The following CSMD1 variants were observed in gnomAD, a reference collection of about 807,000 sequenced individuals.
CSMD1 encodes the protein CUB and sushi domain-containing protein 1.
Under a neutral mutation model 417.5 loss-of-function variants are expected in CSMD1, and 213 were observed. That is an observed-to-expected ratio of 0.51 (90% CI 0.46 to 0.57). The LOEUF is 0.57. CSMD1 is among the 20% of genes least tolerant of loss of function. The pLI is 0.00. For missense variants in CSMD1, 6,923 were observed against 4,529.7 expected (o/e 1.53, Z -15.17); for synonymous variants, 2,862 against 1,736.8 (o/e 1.65, Z -16.11).
In CSMD1 at chr8:3,959,755, G is replaced by C. The variant is rs528902058; in HGVS notation, c.818+38148C>G. 1.6e-4 allele frequency among the ~76,000 whole-genome samples: 25 copies of C among 152,260 alleles called. 1 individual carries two copies. The highest frequency in any genetic ancestry group is 6.2e-4 in the South Asian group (3 of 4,828). The stretch of plus-strand genomic sequence containing the variant: ...TGCAGCGGGAACACACTCAAACTTA[G>C]GTATGTCTTCAGTTTTGTGATTGGA... On this transcript the variant is annotated intron_variant, in intron 5 of 69. Coordinates refer to ENST00000635120, the MANE Select transcript of CSMD1 (RefSeq NM_033225.6).
intron 3 of CSMD1, among the ~76,000 whole-genome samples, chr8:4,156,747 C>A (rs533745403): frequency 6.6e-6 from 1 of 152,264 alleles, no homozygotes; most frequent in South Asian, 2.1e-4. Context: ...CAGCTTCAAC[C>A]TTTGAACAGG....
intron 3 of CSMD1, among the ~76,000 whole-genome samples, chr8:4,187,670 C>A (rs1447712139): frequency 2.0e-5 from 1 of 49,898 alleles, no homozygotes. Flanking sequence ...GAGTGAAACT[C>A]CGTCTCAAAA....
chr8:4,373,504 C>CA (rs1193025572), intron 3 of CSMD1, among the ~76,000 whole-genome samples: 2 of 152,108 alleles, frequency 1.3e-5, no homozygotes, highest in Non-Finnish European at 2.9e-5. Flanking sequence ...GTTTATTTAG[C>CA]AAAAAACTTT....
At chr8:4,195,568 T>A (rs986417072) in intron 3 of CSMD1, among the ~76,000 whole-genome samples, 3 of 152,110 alleles carry the variant, frequency 2.0e-5, no homozygotes, top group African/African-American at 7.2e-5. Context: ...CAATAGTATA[T>A]GGTAGAGGTG....
chr8:4,617,698 GTTC>G (rs1314359590), intron 2 of CSMD1, among the ~76,000 whole-genome samples: 1 of 152,156 alleles, frequency 6.6e-6, no homozygotes, highest in Non-Finnish European at 1.5e-5. Flanking sequence ...CAGTGAATCT[GTTC>G]TTCATCACTC....
chr8:3,488,755 A>T (rs1818201321), intron 11 of CSMD1, among the ~76,000 whole-genome samples: 1 of 152,186 alleles, frequency 6.6e-6, no homozygotes, highest in Non-Finnish European at 1.5e-5. Flanking sequence ...TCAAGTCAAG[A>T]ACAGGGTTCA....
At chr8:4,439,358 G>C (rs1207908254) in intron 2 of CSMD1, among the ~76,000 whole-genome samples, 1 of 152,104 alleles carries the variant, frequency 6.6e-6, no homozygotes, top group Non-Finnish European at 1.5e-5. Flanking sequence ...GAAATTGTGA[G>C]ATATTACTAT....
intron 5 of CSMD1, among the ~76,000 whole-genome samples, chr8:3,961,867 C>G (rs541723994): frequency 2.0e-5 from 3 of 152,224 alleles, no homozygotes; most frequent in South Asian, 4.1e-4. Flanking sequence ...CCCTTTAGTC[C>G]TAAAACAGCG....
chr8:4,925,307 C>T (rs1459365636), intron 1 of CSMD1, among the ~76,000 whole-genome samples: 1 of 130,968 alleles, frequency 7.6e-6, no homozygotes, highest in African/African-American at 2.9e-5. Flanking sequence ...AATTTCCAGA[C>T]ACAAGTAGGT....
At chr8:3,931,269 G>T (rs143703373) in intron 5 of CSMD1, among the ~76,000 whole-genome samples, 1 of 150,436 alleles carries the variant, frequency 6.6e-6, no homozygotes, top group African/African-American at 2.5e-5. Flanking sequence ...TCTGCATTTT[G>T]AATTGTTAAT....
chr8:4,313,304 A>G (rs1040687192), intron 3 of CSMD1, among the ~76,000 whole-genome samples: 1 of 152,080 alleles, frequency 6.6e-6, no homozygotes, highest in Admixed American at 6.6e-5. Flanking sequence ...TCTGGTTAAT[A>G]GCTAGCTGAG....
intron 4 of CSMD1, among the ~76,000 whole-genome samples, chr8:4,005,121 C>A (rs1816004447): frequency 6.6e-6 from 1 of 152,006 alleles, no homozygotes; most frequent in Non-Finnish European, 1.5e-5. Flanking sequence ...ATATAATGGA[C>A]TTTGGAGATT....
intron 4 of CSMD1, among the ~76,000 whole-genome samples, chr8:4,030,033 G>A (rs62502685): frequency 0.01 from 1,592 of 152,300 alleles, 15 homozygotes; most frequent in Middle Eastern, 0.024. Flanking sequence ...AGCTCCAACA[G>A]TCTTGGGCAG....
intron 49 of CSMD1, among the ~76,000 whole-genome samples, chr8:3,086,342 A>G (rs1236821073): frequency 6.6e-6 from 1 of 152,190 alleles, no homozygotes; most frequent in African/African-American, 2.4e-5. Flanking sequence ...CTGTCTGATC[A>G]ACTTCTTACA....
At chr8:4,746,744 G>A (rs1810980965) in intron 1 of CSMD1, among the ~76,000 whole-genome samples, 1 of 152,010 alleles carries the variant, frequency 6.6e-6, no homozygotes, top group South Asian at 2.1e-4. Flanking sequence ...GGAGTCACCG[G>A]TAGAACCTTC....
intron 1 of CSMD1, among the ~76,000 whole-genome samples, chr8:4,791,038 A>C (rs1489479642): frequency 6.6e-6 from 1 of 152,186 alleles, no homozygotes; most frequent in East Asian, 1.9e-4. Flanking sequence ...AGGAGAGTAA[A>C]TGGGAAACAC....
intron 3 of CSMD1, among the ~76,000 whole-genome samples, chr8:4,322,587 A>G (rs1799332308): frequency 6.6e-6 from 1 of 152,236 alleles, no homozygotes; most frequent in Admixed American, 6.5e-5. Flanking sequence ...GAAAATTTCA[A>G]CATAAAAGAC....
intron 3 of CSMD1, among the ~76,000 whole-genome samples, chr8:4,090,789 T>G (rs1800676563): frequency 6.6e-6 from 1 of 152,206 alleles, no homozygotes; most frequent in South Asian, 2.1e-4. Context: ...AATTCACTGG[T>G]GCGTGGTTAA....
intron 1 of CSMD1, among the ~76,000 whole-genome samples, chr8:4,818,751 G>A (rs1002037186): frequency 2.0e-5 from 3 of 152,144 alleles, no homozygotes; most frequent in Non-Finnish European, 4.4e-5. Flanking sequence ...CTCATAGTCT[G>A]ATTATAATAG....
Sources: allele counts gnomAD v4.1 joint callset (sites outside exome capture counted in the v4.1 genomes callset), GRCh38; gene constraint gnomAD v4.1.1; transcripts MANE v1.5; gene names NCBI Gene and HGNC (gene_info 2026-07-23, HGNC 2026-07-21).